Variants in TNS1 observed in about 807,000 individuals in gnomAD.
TNS1 encodes tensin 1, also known as tensin-1.
In TNS1, 62 loss-of-function variants were observed where a neutral mutation model predicts 168.6. The ratio of observed to expected loss-of-function variants is 0.37; its 90% CI spans 0.30 to 0.45. The LOEUF (loss-of-function observed/expected upper bound fraction) is 0.45. Ranked by LOEUF, TNS1 falls within the 20% of genes least tolerant of loss-of-function variation. TNS1 has a pLI of 1.00. For synonymous variants in TNS1, 934 were observed against 933.2 expected, an observed-to-expected ratio of 1.00 and a Z score of -0.02; for missense variants, 2,240 against 2,339.4, an observed-to-expected ratio of 0.96 and a Z score of 0.88.
At chr2:217,979,342 C>T (rs946790321) in intron 2 of TNS1, among the ~76,000 whole-genome samples, 2 of 152,142 alleles carry the variant, frequency 1.3e-5, no homozygotes. Flanking sequence ...CACCCATCCA[C>T]ACAGCCATCC....
intron 3 of TNS1, among the ~76,000 whole-genome samples, chr2:217,929,903 T>C (rs1487052191): frequency 2.6e-5 from 4 of 152,336 alleles, no homozygotes; most frequent in Admixed American, 6.5e-5. Context: ...CCCTCCGCCT[T>C]GTCCCCTCCA....
intron 4 of TNS1, among the ~76,000 whole-genome samples, chr2:217,919,051 C>T (rs3791917): frequency 0.21 from 31,480 of 152,100 alleles, 6,178 homozygotes; most frequent in African/African-American, 0.51. Flanking sequence ...GTCCCAAGCA[C>T]TTCTGTGCAC....
chr2:217,933,439 G>T, intron 3 of TNS1, among the ~76,000 whole-genome samples: 1 of 152,088 alleles, frequency 6.6e-6, no homozygotes, highest in Non-Finnish European at 1.5e-5. Flanking sequence ...CAGATACAAA[G>T]TCACCCCCTG....
intron 2 of TNS1, among the ~76,000 whole-genome samples, chr2:217,989,431 T>C (rs962058581): frequency 2.6e-5 from 4 of 152,164 alleles, no homozygotes; most frequent in Non-Finnish European, 4.4e-5. Context: ...GCCAAGAAGC[T>C]TGGGGACTCC....
intron 9 of TNS1, among the ~76,000 whole-genome samples, chr2:217,894,382 C>T (rs777991015): frequency 1.1e-4 from 17 of 152,202 alleles, no homozygotes; most frequent in East Asian, 9.6e-4. Context: ...CAGGTCCAGA[C>T]GCGCTGGCCC....
chr2:217,900,661 C>T, intron 6 of TNS1, 149 bp from the exon 7 acceptor site: 1 of 847,566 alleles, frequency 1.2e-6, no homozygotes, highest in Non-Finnish European at 1.8e-6. Context: ...TGCAAAAACA[C>T]AGCCTGCCCG....
rs1055711082 is a variant in TNS1, at chr2:217,978,854, G to A, written c.149-52C>T. ...AAGTTTTAGCCGCGAGGTATGAAATGGAAACTCCGCGAAATCTCCTCCCAC... is the reference window on the plus strand; with the variant it reads ...AAGTTTTAGCCGCGAGGTATGAAATAGAAACTCCGCGAAATCTCCTCCCAC... On this transcript the variant is annotated intron_variant, in intron 2 of 32. Coordinates refer to ENST00000682258, the MANE Select transcript of TNS1 (RefSeq NM_001387777.1). The A allele has an allele frequency of 2.1e-5, 15 of 701,586 alleles. 1 individual carries two copies. The highest frequency in any genetic ancestry group is 3.5e-5 in the African/African-American group (2 of 57,162). The allele number at this position is 701,586 out of a possible 1,614,324, so 43.5% of individuals were successfully genotyped here.
At chr2:218,010,387 C>T (rs1220627272) in exon 1 of TNS1, 3 of 390,664 alleles carry the variant, frequency 7.7e-6, no homozygotes, top group Admixed American at 4.5e-5. Flanking sequence ...GGAGGAGCGG[C>T]GCGGGAGGCC....
chr2:217,984,052 C>T (rs1958126939), intron 2 of TNS1, among the ~76,000 whole-genome samples: 1 of 152,102 alleles, frequency 6.6e-6, no homozygotes, highest in African/African-American at 2.4e-5. Context: ...CCAACCTCCC[C>T]AAGCAAGAAG....
At chr2:217,922,990 G>A (rs1231949453) in intron 3 of TNS1, among the ~76,000 whole-genome samples, 3 of 151,960 alleles carry the variant, frequency 2.0e-5, no homozygotes, top group Non-Finnish European at 2.9e-5. Flanking sequence ...CCTTCTCTCC[G>A]GCACCCTGGC....
At chr2:217,829,425 C>A (rs746846395) in intron 22 of TNS1, among the ~76,000 whole-genome samples, 5 of 152,114 alleles carry the variant, frequency 3.3e-5, no homozygotes, top group Non-Finnish European at 7.4e-5. Context: ...GTCAGTGGTG[C>A]CAACGTGGAG....
Position 217,809,834 on chromosome 2 carries a change from G to A in TNS1, c.5262C>T (p.Asp1754=), listed in dbSNP as rs1184825337. ...CAGGGGAGTCTTACTTTCTCTGGTT[G>A]TCAGTCAGAGTGATTCCCTGGGCAG... ...KVSAQGITLT[D]NQRKLFFRRH... Residue 1754 remains aspartate, a synonymous_variant, in exon 30 of 33, where the codon GAC becomes GAT. Coordinates refer to ENST00000682258, the MANE Select transcript of TNS1 (RefSeq NM_001387777.1). 1.2e-6 allele frequency: 2 copies of A among 1,613,366 alleles called. No individual in the cohort carries two copies. The highest frequency in any genetic ancestry group is 2.7e-5 in the African/African-American group (2 of 74,886).
At position 217,863,633 on chromosome 2, in the gene TNS1, C is replaced by T. The variant is rs1079353; in HGVS notation, c.1430-14546G>A. On this transcript the variant is annotated intron_variant, in intron 18 of 32. Transcript: ENST00000682258. ...CTGGGCCACTACTTCACTGCTTAAA[C>T]TTGGGCAAGTGATTTCCTTTTCCTG... Among the ~76,000 whole-genome samples, 1,419 of 152,250 alleles carry T rather than the reference C, an allele frequency of 9.3e-3. 17 individuals are homozygous for T. The highest frequency in any genetic ancestry group is 0.032 in the African/African-American group (1,346 of 41,524).
At chr2:217,808,166 C>T in intron 31 of TNS1, 59 bp from the exon 32 acceptor site, 1 of 1,590,866 alleles carries the variant, frequency 6.3e-7, no homozygotes, top group Middle Eastern at 2.2e-4. Flanking sequence ...GAGCCCAGCC[C>T]CACCCATGCC....
intron 24 of TNS1, chr2:217,815,288 C>T (rs1574591224): frequency 2.9e-6 from 1 of 344,616 alleles, no homozygotes; most frequent in Admixed American, 3.9e-5. Flanking sequence ...CCAAGGGACA[C>T]CAAGGATGCT....
chr2:217,813,287 C>T lies in TNS1; in HGVS notation c.4882G>A (p.Val1628Ile). 6.3e-7 allele frequency: 1 copy of T among 1,593,666 alleles called. No individual in the cohort carries two copies. Among genetic ancestry groups the T allele is most frequent in the South Asian group, 1.1e-5 (1 of 87,880 alleles). The stretch of plus-strand genomic sequence containing the variant: ...CCAGTCTCTATCAGAAAATGCCTGA[C>T]CAGCTCATGGGTCATGTCTCCTGGG... ...NKKGDMTHEL[V>I]RHFLIETGPR... is the part of the protein sequence containing the mutation. The change falls in exon 27 of 33, where the codon GTC becomes ATC. Residue 1628 changes from valine (V) to isoleucine (I), a missense_variant. Val to Ile is a conservative substitution (Grantham distance 29). This residue lies in a region of TNS1 where 2,131 missense variants were observed against 2,171.2 expected (regional missense o/e 0.98). Transcript: ENST00000682258. The surrounding 1 kb of genome is among the most constrained non-coding windows in gnomAD (Gnocchi z 4.0).
chr2:218,007,735 C>T (rs573503113), upstream of TNS1, among the ~76,000 whole-genome samples: 1 of 152,170 alleles, frequency 6.6e-6, no homozygotes, highest in East Asian at 1.9e-4. Context: ...CCCCTAGGAC[C>T]TCCCTTAGGT....
At chr2:217,842,319 C>T (rs947605801) in intron 19 of TNS1, among the ~76,000 whole-genome samples, 9 of 151,730 alleles carry the variant, frequency 5.9e-5, no homozygotes, top group Middle Eastern at 3.4e-3. Context: ...TCATCTCAAA[C>T]TTAATGTGTC....
In TNS1 at chr2:217,809,480, GAT is replaced by G. The variant is rs1559140951; in HGVS notation, c.5273+341_5273+342del. Among the ~76,000 whole-genome samples the G allele has an allele frequency of 3.5e-3, 100 of 28,898 alleles. 20 individuals carry two copies. The highest frequency in any genetic ancestry group is 0.01 in the East Asian group (7 of 698). The allele number at this position is 28,898 out of a possible 152,430, so 19.0% of individuals were successfully genotyped here. A position where few individuals can be genotyped will look rare whatever the true frequency, so the allele number is the denominator to read the frequency against. ...GGATGCATGGATGGATGGATGGATGGATGGATGGATGCATGGATGGATGCATG... is the reference window on the plus strand; with the variant it reads ...GGATGCATGGATGGATGGATGGATGGGGATGGATGCATGGATGGATGCATG... On this transcript the variant is annotated intron_variant, in intron 30 of 32. Coordinates refer to ENST00000682258, the MANE Select transcript of TNS1 (RefSeq NM_001387777.1).
Sources: allele counts gnomAD v4.1 joint callset (sites outside exome capture counted in the v4.1 genomes callset), GRCh38; gene constraint gnomAD v4.1.1; regional missense constraint gnomAD v4.1.1; non-coding constraint Gnocchi (gnomAD v3.1); transcripts MANE v1.5; gene names NCBI Gene and HGNC (gene_info 2026-07-23, HGNC 2026-07-21).